The following TCF7L1 variants were observed in gnomAD, a reference collection of about 807,000 sequenced individuals.
The protein encoded by TCF7L1 is transcription factor 7-like 1.
Under a neutral mutation model 63.7 loss-of-function variants are expected in TCF7L1, and 18 were observed. The ratio of observed to expected loss-of-function variants is 0.28; its 90% CI spans 0.20 to 0.42. TCF7L1 has a LOEUF of 0.42. Among genes scored for constraint, TCF7L1 ranks in the 10% least tolerant of loss-of-function variants. The pLI is 1.00. For missense variants in TCF7L1, 654 were observed against 779.3 expected (o/e 0.84, Z 1.91); for synonymous variants, 355 against 340.9 (o/e 1.04, Z -0.46).
intron 8 of TCF7L1, among the ~76,000 whole-genome samples, chr2:85,305,957 A>G (rs1682098055): frequency 1.3e-5 from 2 of 152,138 alleles, no homozygotes; most frequent in African/African-American, 4.8e-5. Flanking sequence ...CAACCCCACC[A>G]TGCTCTGTTC....
chr2:85,219,618 A>C (rs952401035), intron 3 of TCF7L1, among the ~76,000 whole-genome samples: 1 of 152,168 alleles, frequency 6.6e-6, no homozygotes, highest in Non-Finnish European at 1.5e-5. Flanking sequence ...AGTTGCTCAC[A>C]CCTATAATCC....
At chr2:85,198,253 A>G (rs1309885633) in intron 3 of TCF7L1, among the ~76,000 whole-genome samples, 1 of 152,250 alleles carries the variant, frequency 6.6e-6, no homozygotes, top group African/African-American at 2.4e-5. Context: ...TTCAGTTTAT[A>G]AAACAGCTGA....
Position 85,308,491 on chromosome 2 carries a change from C to T in TCF7L1, c.1334-538C>T, listed in dbSNP as rs112558887. On this transcript the variant is annotated intron_variant, in intron 11 of 11. Coordinates refer to ENST00000282111, the MANE Select transcript of TCF7L1 (RefSeq NM_031283.3). Reference sequence around the variant, plus strand: ...CCTCCCTCTCCCCCTCCTTCCCTCCCTTCCCCCCCTCCCTTTCTTCTTCCC... The same window carrying T: ...CCTCCCTCTCCCCCTCCTTCCCTCCTTTCCCCCCCTCCCTTTCTTCTTCCC... Among the ~76,000 whole-genome samples the T allele has an allele frequency of 6.0e-3, 625 of 104,276 alleles. 10 individuals carry two copies. Among genetic ancestry groups the T allele is most frequent in the African/African-American group, 0.028 (588 of 21,358 alleles). The allele number at this position is 104,276 out of a possible 152,430, so 68.4% of individuals were successfully genotyped here.
intron 3 of TCF7L1, among the ~76,000 whole-genome samples, chr2:85,139,647 A>G (rs561988610): frequency 6.6e-6 from 1 of 152,354 alleles, no homozygotes; most frequent in Admixed American, 6.5e-5. Context: ...AGAAGAATGT[A>G]AATAGTAAGA....
chr2:85,195,387 G>C (rs1011280488), intron 3 of TCF7L1, among the ~76,000 whole-genome samples: 2 of 152,186 alleles, frequency 1.3e-5, no homozygotes, highest in Admixed American at 1.3e-4. Flanking sequence ...AAGGTCAAGG[G>C]TGCAGTGAGT....
chr2:85,144,449 A>T (rs912948049), intron 3 of TCF7L1, among the ~76,000 whole-genome samples: 1 of 151,590 alleles, frequency 6.6e-6, no homozygotes, highest in Admixed American at 6.6e-5. Flanking sequence ...AACCAAAAAA[A>T]ACATTAGCCA....
intron 3 of TCF7L1, among the ~76,000 whole-genome samples, chr2:85,205,791 G>T (rs894154311): frequency 6.6e-6 from 1 of 152,196 alleles, no homozygotes. Context: ...AAAGTGTTGG[G>T]ATTACAGGCG....
intron 3 of TCF7L1, among the ~76,000 whole-genome samples, chr2:85,144,719 C>CTCTG (rs1553393493): frequency 3.3e-4 from 47 of 140,532 alleles, no homozygotes; most frequent in African/African-American, 1.2e-3. Context: ...CTCTCTCTCT[C>CTCTG]TGTGTGTGTG....
intron 3 of TCF7L1, among the ~76,000 whole-genome samples, chr2:85,252,186 A>T (rs373695189): frequency 6.6e-6 from 1 of 152,324 alleles, no homozygotes; most frequent in East Asian, 1.9e-4. Context: ...CTCTGAGGGA[A>T]GTGAGTGGTG....
At chr2:85,220,359 A>C (rs371046332) in intron 3 of TCF7L1, among the ~76,000 whole-genome samples, 2 of 151,068 alleles carry the variant, frequency 1.3e-5, no homozygotes, top group South Asian at 2.1e-4. Context: ...TACTTAAAAA[A>C]AAATATATAT....
At chr2:85,220,548 T>C (rs1180868827) in intron 3 of TCF7L1, among the ~76,000 whole-genome samples, 1 of 152,004 alleles carries the variant, frequency 6.6e-6, no homozygotes, top group Non-Finnish European at 1.5e-5. Flanking sequence ...GTATTTTTGA[T>C]AGAGACAGGG....
At chr2:85,183,319 G>T (rs1306912914) in intron 3 of TCF7L1, among the ~76,000 whole-genome samples, 2 of 152,172 alleles carry the variant, frequency 1.3e-5, no homozygotes, top group Non-Finnish European at 1.5e-5. Flanking sequence ...TTGTCCTATT[G>T]TGCTAGCACC....
chr2:85,291,524 G>A (rs1573028946), intron 4 of TCF7L1, among the ~76,000 whole-genome samples: 2 of 151,982 alleles, frequency 1.3e-5, no homozygotes, highest in East Asian at 3.9e-4. Flanking sequence ...TATTTTTGGG[G>A]TTTTGTTTTT....
intron 3 of TCF7L1, among the ~76,000 whole-genome samples, chr2:85,178,364 A>G (rs1482660210): frequency 6.6e-6 from 1 of 152,198 alleles, no homozygotes; most frequent in Non-Finnish European, 1.5e-5. Flanking sequence ...AACACAGATC[A>G]ATTCAGTCTT....
intron 3 of TCF7L1, among the ~76,000 whole-genome samples, chr2:85,273,497 T>G (rs1044631589): frequency 6.6e-6 from 1 of 152,240 alleles, no homozygotes; most frequent in African/African-American, 2.4e-5. Flanking sequence ...TGGCAAAGTT[T>G]AAACAGTTTG....
intron 3 of TCF7L1, among the ~76,000 whole-genome samples, chr2:85,152,935 G>A (rs1193031599): frequency 5.9e-5 from 9 of 152,182 alleles, no homozygotes; most frequent in African/African-American, 2.2e-4. Flanking sequence ...AGGGTCACAA[G>A]GAGATTTTCA....
chr2:85,289,589 T>A (rs1362782438), intron 4 of TCF7L1, among the ~76,000 whole-genome samples: 2 of 152,186 alleles, frequency 1.3e-5, no homozygotes, highest in African/African-American at 4.8e-5. Flanking sequence ...GGCAGAAATA[T>A]CTACCACCTT....
chr2:85,230,147 A>G lies in TCF7L1; in HGVS notation c.442-53348A>G, dbSNP rs1680044913. Among the ~76,000 whole-genome samples the G allele has an allele frequency of 1.3e-5, 2 of 152,124 alleles. 1 individual carries two copies. Among genetic ancestry groups the G allele is most frequent in the Non-Finnish European group, 2.9e-5 (2 of 68,020 alleles). On this transcript the variant is annotated intron_variant, in intron 3 of 11. Coordinates refer to ENST00000282111, the MANE Select transcript of TCF7L1 (RefSeq NM_031283.3). ...TGGTGTCCAGCTTTTTTCACTTCATACTTTATCCTAAGCACTTTCTTCAGT... is the reference window on the plus strand; with the variant it reads ...TGGTGTCCAGCTTTTTTCACTTCATGCTTTATCCTAAGCACTTTCTTCAGT...
chr2:85,193,836 TAG>T (rs941716151), intron 3 of TCF7L1, among the ~76,000 whole-genome samples: 3 of 152,066 alleles, frequency 2.0e-5, no homozygotes, highest in East Asian at 3.9e-4. Context: ...AAAATGCATA[TAG>T]AGAGAGAGAT....
Sources: allele counts gnomAD v4.1 joint callset (sites outside exome capture counted in the v4.1 genomes callset), GRCh38; gene constraint gnomAD v4.1.1; transcripts MANE v1.5; gene names NCBI Gene and HGNC (gene_info 2026-07-23, HGNC 2026-07-21).